The following FBXL4 variants were observed in gnomAD, a reference collection of about 807,000 sequenced individuals.
FBXL4 encodes the protein F-box/LRR-repeat protein 4.
A neutral mutation model predicts 58.9 loss-of-function variants in FBXL4; 40 were observed. The observed-to-expected ratio is 0.68, with a 90% CI of 0.53 to 0.88. The LOEUF is 0.88. FBXL4 is among the 40% of genes least tolerant of loss of function. The pLI is 0.00. For synonymous variants in FBXL4, 263 were observed against 265.5 expected, an observed-to-expected ratio of 0.99 and a Z score of 0.09; for missense variants, 676 against 734.4, an observed-to-expected ratio of 0.92 and a Z score of 0.92.
chr6:98,936,514 C>G (rs1371868124), intron 1 of FBXL4, among the ~76,000 whole-genome samples: 1 of 152,210 alleles, frequency 6.6e-6, no homozygotes, highest in Non-Finnish European at 1.5e-5. Context: ...GACCCATCCT[C>G]TTCCTCCCTC....
intron 2 of FBXL4, among the ~76,000 whole-genome samples, chr6:98,933,535 A>C (rs1773091962): frequency 6.6e-6 from 1 of 152,108 alleles, no homozygotes; most frequent in African/African-American, 2.4e-5. Flanking sequence ...CCTCTCTTCC[A>C]ATGCTTGGCA....
Position 98,924,428 on chromosome 6 carries a change from G to A in FBXL4, c.512+2049C>T, listed in dbSNP as rs138553353. Among the ~76,000 whole-genome samples, 247 of 152,146 alleles carry A rather than the reference G, an allele frequency of 1.6e-3. 2 individuals carry two copies. The East Asian group carries it at 0.042, about 26-fold the overall frequency. ...AAAAATTAGCCAGGCATGGTGGCAC[G>A]CACCTGTAATCCCAGCCGCTCAGGT... On this transcript the variant is annotated intron_variant, in intron 4 of 9. Transcript: ENST00000369244.
chr6:98,924,674 A>G (rs1056133626), intron 4 of FBXL4, among the ~76,000 whole-genome samples: 2 of 152,216 alleles, frequency 1.3e-5, no homozygotes, highest in Non-Finnish European at 1.5e-5. Context: ...CATTATTTGC[A>G]ATGAATTATT....
chr6:98,894,176 A>G (rs1388709334), intron 7 of FBXL4, among the ~76,000 whole-genome samples: 1 of 152,224 alleles, frequency 6.6e-6, no homozygotes, highest in Admixed American at 6.5e-5. Flanking sequence ...TGAATGGGCT[A>G]GATTTTTACA....
chr6:98,918,866 G>T (rs1413064649), intron 4 of FBXL4, among the ~76,000 whole-genome samples: 1 of 152,062 alleles, frequency 6.6e-6, no homozygotes, highest in Non-Finnish European at 1.5e-5. Context: ...GTTTCATAGT[G>T]AGCCATATCT....
intron 7 of FBXL4, among the ~76,000 whole-genome samples, chr6:98,891,602 T>C (rs1425885304): frequency 6.6e-6 from 1 of 151,390 alleles, no homozygotes; most frequent in African/African-American, 2.4e-5. Context: ...CAAAAAGACA[T>C]GGGGCTGGAT....
intron 5 of FBXL4, among the ~76,000 whole-genome samples, chr6:98,913,583 T>C (rs925656936): frequency 6.6e-6 from 1 of 152,084 alleles, no homozygotes; most frequent in Non-Finnish European, 1.5e-5. Context: ...CATAACGAAA[T>C]GAAGGCAGAA....
Position 98,917,381 on chromosome 6 carries a change from G to A in FBXL4, c.851C>T (p.Pro284Leu). ...GPNNGYFDKL[P>L]YELIQLILNH... ...TAAATATTTTTGGCTTACCTCATAA[G>A]GTAGTTTATCAAAATACCCATTATT... is the stretch of plus-strand genomic sequence containing the variant. Residue 284 changes from proline (P) to leucine (L), a missense_variant, in exon 5 of 10, where the codon CCT becomes CTT. Physicochemically the swap from Pro to Leu is moderately conservative, Grantham distance 98. Transcript: ENST00000369244. 2 of 1,599,422 alleles carry A rather than the reference G, an allele frequency of 1.3e-6. No individual in the cohort carries two copies. Among genetic ancestry groups the A allele is most frequent in the Non-Finnish European group, 1.7e-6 (2 of 1,172,366 alleles).
chr6:98,940,089 T>A (rs1028710099), intron 1 of FBXL4, among the ~76,000 whole-genome samples: 1 of 152,228 alleles, frequency 6.6e-6, no homozygotes, highest in African/African-American at 2.4e-5. Context: ...GACTACCTTT[T>A]GAAAAAGTTT....
intron 4 of FBXL4, among the ~76,000 whole-genome samples, chr6:98,924,845 C>T (rs1010574411): frequency 1.3e-5 from 2 of 152,158 alleles, no homozygotes; most frequent in African/African-American, 4.8e-5. Context: ...GACCTCTGCC[C>T]GCCTCCTCCT....
intron 7 of FBXL4, among the ~76,000 whole-genome samples, chr6:98,881,358 T>A (rs1770847634): frequency 6.6e-6 from 1 of 152,194 alleles, no homozygotes; most frequent in Non-Finnish European, 1.5e-5. Flanking sequence ...TATGAAAAAT[T>A]GTGAAAAACA....
At chr6:98,927,924 G>C (rs1772852654) in intron 2 of FBXL4, 102 bp from the exon 3 acceptor site, 2 of 151,898 alleles carry the variant, frequency 1.3e-5, no homozygotes, top group African/African-American at 4.8e-5. Context: ...AAATCAAACA[G>C]GCCACATTTT....
At chr6:98,932,267 A>C (rs1257093324) in intron 2 of FBXL4, among the ~76,000 whole-genome samples, 1 of 152,220 alleles carries the variant, frequency 6.6e-6, no homozygotes, top group Non-Finnish European at 1.5e-5. Context: ...AATGACTATG[A>C]AGTGAGAAAT....
intron 6 of FBXL4, among the ~76,000 whole-genome samples, chr6:98,903,268 A>G (rs1771678808): frequency 1.3e-5 from 2 of 152,138 alleles, no homozygotes; most frequent in African/African-American, 4.8e-5. Flanking sequence ...TACAAGCCAT[A>G]ATAACTATCA....
intron 5 of FBXL4, among the ~76,000 whole-genome samples, chr6:98,906,157 C>A (rs190348230): frequency 1.3e-5 from 2 of 150,632 alleles, no homozygotes; most frequent in Non-Finnish European, 2.9e-5. Context: ...TGTACCTGTG[C>A]CAGGAACACT....
intron 2 of FBXL4, among the ~76,000 whole-genome samples, chr6:98,933,863 T>C (rs1253838872): frequency 6.6e-6 from 1 of 152,138 alleles, no homozygotes; most frequent in Non-Finnish European, 1.5e-5. Context: ...AAGGCACATG[T>C]AAACCAAAAA....
At chr6:98,906,550 T>C (rs1771821823) in intron 5 of FBXL4, among the ~76,000 whole-genome samples, 1 of 152,202 alleles carries the variant, frequency 6.6e-6, no homozygotes, top group Non-Finnish European at 1.5e-5. Flanking sequence ...ATGTGCCACA[T>C]TTTCTTTATC....
In FBXL4 at chr6:98,906,175, A is replaced by T. The variant is rs1307803280; in HGVS notation, c.859-505T>A. ...ACCTGTGCCAGGAACACTCAGCTTT[A>T]AAAAAAAAAAAAAAAACACTTTTAA... is the stretch of plus-strand genomic sequence containing the variant. On this transcript the variant is annotated intron_variant, in intron 5 of 9. Coordinates refer to ENST00000369244, the MANE Select transcript of FBXL4 (RefSeq NM_001278716.2). Among the ~76,000 whole-genome samples the T allele has an allele frequency of 7.8e-5, 10 of 128,970 alleles. No homozygotes were observed. In the South Asian group the frequency reaches 1.2e-3, roughly 15 times the overall value. 84.6% of individuals were successfully genotyped at this position (128,970 alleles called of 152,430 possible). A position where few individuals can be genotyped will look rare whatever the true frequency, so the allele number is the denominator to read the frequency against.
At chr6:98,947,466 A>G (rs1773665174) in intron 1 of FBXL4, among the ~76,000 whole-genome samples, 1 of 152,230 alleles carries the variant, frequency 6.6e-6, no homozygotes, top group South Asian at 2.1e-4. Flanking sequence ...CGCAGCACTG[A>G]GCGCGGGTGT....
Sources: gnomAD v4.1 joint callset for allele counts (sites outside exome capture counted in the v4.1 genomes callset) on GRCh38, gnomAD v4.1.1 for gene constraint, MANE v1.5 for transcripts, NCBI Gene and HGNC (gene_info 2026-07-23, HGNC 2026-07-21) for gene names.